CADM2: variants seen among roughly 807,000 people sequenced by gnomAD.
The protein encoded by CADM2 is cell adhesion molecule 2.
CADM2 carries 12 observed loss-of-function variants against 49.8 expected under a neutral mutation model. The observed-to-expected ratio is 0.24, with a 90% CI of 0.15 to 0.39. The LOEUF is 0.39. Ranked by LOEUF, CADM2 falls within the 10% of genes least tolerant of loss-of-function variation. The probability of loss-of-function intolerance (pLI) is 1.00; values close to 1 mark genes in which losing one functional copy is unlikely to be tolerated. For missense variants in CADM2, 378 were observed against 492.3 expected, an observed-to-expected ratio of 0.77 and a Z score of 2.20; for synonymous variants, 214 against 175.4, an observed-to-expected ratio of 1.22 and a Z score of -1.74.
chr3:85,038,257 T>C (rs2107352887), intron 1 of CADM2, among the ~76,000 whole-genome samples: 1 of 152,308 alleles, frequency 6.6e-6, no homozygotes. Context: ...TTCACAGTGG[T>C]TTCTTCACAC....
intron 1 of CADM2, among the ~76,000 whole-genome samples, chr3:85,455,789 C>G (rs925778000): frequency 6.6e-6 from 1 of 152,120 alleles, no homozygotes; most frequent in Admixed American, 6.6e-5. Flanking sequence ...CCACAAGCCT[C>G]AAACAATTAT....
intron 1 of CADM2, among the ~76,000 whole-genome samples, chr3:85,615,261 A>G (rs1158814849): frequency 6.6e-6 from 1 of 151,910 alleles, no homozygotes; most frequent in Non-Finnish European, 1.5e-5. Flanking sequence ...GAAAGAAAGA[A>G]AAAGGAAGGA....
At chr3:85,359,660 A>ATTTTT (rs1289345059) in intron 1 of CADM2, among the ~76,000 whole-genome samples, 2 of 19,450 alleles carry the variant, frequency 1.0e-4, no homozygotes, top group African/African-American at 1.2e-4. Flanking sequence ...ATATATATAT[A>ATTTTT]TATATATTTT....
intron 2 of CADM2, among the ~76,000 whole-genome samples, chr3:85,734,893 C>T (rs1219887319): frequency 6.6e-6 from 1 of 151,092 alleles, no homozygotes; most frequent in Non-Finnish European, 1.5e-5. Flanking sequence ...AAACAACCCA[C>T]AACATAGTAA....
At chr3:85,108,174 G>A (rs2038318401) in intron 1 of CADM2, among the ~76,000 whole-genome samples, 1 of 151,742 alleles carries the variant, frequency 6.6e-6, no homozygotes, top group South Asian at 2.1e-4. Flanking sequence ...ACAAATGTCT[G>A]TAAATGGTTG....
In CADM2 at chr3:85,428,426, T is replaced by TTA. The variant is rs905177036; in HGVS notation, c.62-298083_62-298082dup. Among the ~76,000 whole-genome samples the TTA allele has an allele frequency of 2.7e-3, 396 of 144,464 alleles. 3 individuals are homozygous for TTA. The highest frequency in any genetic ancestry group is 8.1e-3 in the African/African-American group (323 of 39,988). The allele number at this position is 144,464 out of a possible 152,430, so 94.8% of individuals were successfully genotyped here. On this transcript the variant is annotated intron_variant, in intron 1 of 9. Transcript: ENST00000383699. ...ATTCCCCTATGGGAATAAGTAAGGC[T>TTA]TATATATATATATAGATATATATGA...
intron 1 of CADM2, among the ~76,000 whole-genome samples, chr3:85,633,998 G>A (rs1288122046): frequency 6.6e-6 from 1 of 151,972 alleles, no homozygotes; most frequent in African/African-American, 2.4e-5. Context: ...TATGATCGGA[G>A]TTTTGGAATA....
At chr3:85,991,104 T>A (rs1424202694) in intron 8 of CADM2, among the ~76,000 whole-genome samples, 1 of 152,148 alleles carries the variant, frequency 6.6e-6, no homozygotes, top group Non-Finnish European at 1.5e-5. Flanking sequence ...TCACAGGGAC[T>A]GGGAGTTAAG....
At chr3:85,553,112 T>TA (rs1289519938) in intron 1 of CADM2, among the ~76,000 whole-genome samples, 1 of 152,054 alleles carries the variant, frequency 6.6e-6, no homozygotes, top group Non-Finnish European at 1.5e-5. Flanking sequence ...ATTAAATAAA[T>TA]AAAAAATACT....
chr3:85,327,860 T>C (rs2044800243), intron 1 of CADM2, among the ~76,000 whole-genome samples: 1 of 152,168 alleles, frequency 6.6e-6, no homozygotes, highest in South Asian at 2.1e-4. Flanking sequence ...ACGTAACAAT[T>C]TGAAGCCTCA....
chr3:85,842,389 A>C (rs2074678199), intron 3 of CADM2, among the ~76,000 whole-genome samples: 1 of 152,182 alleles, frequency 6.6e-6, no homozygotes, highest in Admixed American at 6.6e-5. Context: ...GTCTTCCTCA[A>C]CCCTCTTTCA....
chr3:85,918,972 C>A (rs1320912981), intron 6 of CADM2, among the ~76,000 whole-genome samples: 1 of 151,872 alleles, frequency 6.6e-6, no homozygotes, highest in African/African-American at 2.4e-5. Context: ...ACTGAATATT[C>A]ATTTTCTGTA....
chr3:85,803,811 C>A (rs2072226789), intron 3 of CADM2, among the ~76,000 whole-genome samples: 1 of 152,034 alleles, frequency 6.6e-6, no homozygotes, highest in African/African-American at 2.4e-5. Context: ...TTAAACTCAT[C>A]TAAAAAAATA....
intron 1 of CADM2, among the ~76,000 whole-genome samples, chr3:85,302,676 A>G (rs1467383439): frequency 1.3e-5 from 2 of 152,036 alleles, no homozygotes; most frequent in Non-Finnish European, 2.9e-5. Flanking sequence ...AGATTAACAT[A>G]CATATGCGGC....
At chr3:85,418,929 C>T (rs189318747) in intron 1 of CADM2, among the ~76,000 whole-genome samples, 2 of 151,410 alleles carry the variant, frequency 1.3e-5, no homozygotes, top group African/African-American at 2.4e-5. Flanking sequence ...TTTGACCTAC[C>T]TTTCTAATTT....
intron 1 of CADM2, among the ~76,000 whole-genome samples, chr3:85,339,011 T>C (rs2045168523): frequency 1.3e-5 from 2 of 151,484 alleles, no homozygotes; most frequent in Non-Finnish European, 3.0e-5. Context: ...ATTGAGATAA[T>C]TTAAAATTAT....
intron 7 of CADM2, among the ~76,000 whole-genome samples, chr3:85,937,565 T>G (rs1424985321): frequency 1.3e-5 from 2 of 151,930 alleles, no homozygotes; most frequent in African/African-American, 2.4e-5. Flanking sequence ...CTACTTCAAT[T>G]GCTAAATGTA....
intron 1 of CADM2, among the ~76,000 whole-genome samples, chr3:84,971,496 C>A (rs2031430203): frequency 6.6e-6 from 1 of 152,074 alleles, no homozygotes; most frequent in Non-Finnish European, 1.5e-5. Context: ...AACTCCATTT[C>A]TCCATATCAT....
chr3:85,663,161 T>C (rs185957877), intron 1 of CADM2, among the ~76,000 whole-genome samples: 308 of 152,168 alleles, frequency 2.0e-3, no homozygotes, highest in African/African-American at 6.6e-3. Context: ...TAATCTTTGT[T>C]TCTGCATTTC....
Sources: allele counts gnomAD v4.1 joint callset (sites outside exome capture counted in the v4.1 genomes callset), GRCh38; gene constraint gnomAD v4.1.1; transcripts MANE v1.5; gene names NCBI Gene and HGNC (gene_info 2026-07-23, HGNC 2026-07-21).